LY86: variants seen among roughly 807,000 people sequenced by gnomAD.
LY86 encodes MD-1, RP105-associated.
A neutral mutation model predicts 17.3 loss-of-function variants in LY86; 20 were observed. That is an observed-to-expected ratio of 1.15 (90% CI 0.81 to 1.68). The LOEUF (loss-of-function observed/expected upper bound fraction) is 1.68. LY86 is among the 40% of genes most tolerant of loss of function. The pLI is 0.00. For missense variants in LY86, 200 were observed against 191.9 expected (o/e 1.04, Z -0.25); for synonymous variants, 74 against 70.6 (o/e 1.05, Z -0.24).
intron 3 of LY86, among the ~76,000 whole-genome samples, chr6:6,648,715 C>T (rs1263289585): frequency 6.6e-6 from 1 of 151,940 alleles, no homozygotes; most frequent in Non-Finnish European, 1.5e-5. Context: ...TTTAATTCCC[C>T]ACCACCCTAG....
intron 3 of LY86, among the ~76,000 whole-genome samples, chr6:6,642,054 G>A (rs369084368): frequency 4.1e-4 from 62 of 152,378 alleles, no homozygotes; most frequent in Admixed American, 1.1e-3. Context: ...AGCATGCAGA[G>A]GGGCAGCCCC....
At chr6:6,620,290 C>T (rs903076006) in intron 1 of LY86, among the ~76,000 whole-genome samples, 7 of 152,174 alleles carry the variant, frequency 4.6e-5, no homozygotes, top group African/African-American at 1.4e-4. Context: ...TGAGACCTCT[C>T]TGTATCTTTT....
intron 1 of LY86, among the ~76,000 whole-genome samples, chr6:6,596,970 TC>T (rs541290131): frequency 1.5e-4 from 23 of 152,368 alleles, no homozygotes; most frequent in Non-Finnish European, 2.9e-4. Flanking sequence ...CAAACGCTGT[TC>T]ACAGCTATTT....
At chr6:6,594,778 A>T (rs553735765) in intron 1 of LY86, among the ~76,000 whole-genome samples, 7 of 152,372 alleles carry the variant, frequency 4.6e-5, no homozygotes, top group Non-Finnish European at 8.8e-5. Flanking sequence ...AAGTCCTTCC[A>T]TTGACAAAGC....
intron 1 of LY86, among the ~76,000 whole-genome samples, chr6:6,620,407 C>T (rs578114640): frequency 9.2e-5 from 14 of 152,330 alleles, no homozygotes; most frequent in African/African-American, 3.1e-4. Context: ...GAGTTGGGCC[C>T]TCCTCTATGC....
intron 2 of LY86, 76 bp from the exon 3 acceptor site, chr6:6,626,217 T>C (rs1199782472): frequency 5.6e-6 from 8 of 1,430,310 alleles, no homozygotes; most frequent in Non-Finnish European, 6.7e-6. Context: ...TAGCTCATGC[T>C]GCTGTATACT....
chr6:6,633,896 G>A (rs923537913), intron 3 of LY86, among the ~76,000 whole-genome samples: 7 of 149,008 alleles, frequency 4.7e-5, no homozygotes, highest in African/African-American at 1.7e-4. Flanking sequence ...AATAAATTGT[G>A]TGTGTGTGTG....
chr6:6,607,909 A>T (rs1761232780), intron 1 of LY86, among the ~76,000 whole-genome samples: 1 of 152,228 alleles, frequency 6.6e-6, no homozygotes. Flanking sequence ...AATAAAAATA[A>T]AAATAAAAAA....
chr6:6,602,868 GTTATAGGTGTTTACAGGAAGAAATC>G (rs1358069420), intron 1 of LY86, among the ~76,000 whole-genome samples: 1 of 152,204 alleles, frequency 6.6e-6, no homozygotes, highest in Non-Finnish European at 1.5e-5. Flanking sequence ...CAAGCAAAGA[GTTATAGGTGTTTACAGGAAGAAATC>G]TTTGAGGAAA....
At chr6:6,603,608 A>AAC (rs1554123598) in intron 1 of LY86, among the ~76,000 whole-genome samples, 16 of 101,390 alleles carry the variant, frequency 1.6e-4, no homozygotes, top group South Asian at 1.1e-3. Flanking sequence ...AGAAACAGAA[A>AAC]AAAAAACAAA....
At chr6:6,605,090 A>C (rs1282341467) in intron 1 of LY86, among the ~76,000 whole-genome samples, 1 of 151,906 alleles carries the variant, frequency 6.6e-6, no homozygotes, top group Non-Finnish European at 1.5e-5. Context: ...TTTAAAGGGT[A>C]CTTGAAATGA....
intron 1 of LY86, among the ~76,000 whole-genome samples, chr6:6,597,201 TTC>T (rs1179602379): frequency 5.3e-5 from 8 of 152,256 alleles, no homozygotes; most frequent in Middle Eastern, 3.4e-3. Flanking sequence ...CCAGAGCAGT[TTC>T]TGTTTTCTCC....
intron 4 of LY86, among the ~76,000 whole-genome samples, chr6:6,650,100 T>C (rs1160085220): frequency 6.6e-6 from 1 of 152,158 alleles, no homozygotes; most frequent in Non-Finnish European, 1.5e-5. Context: ...GAAAGGAAGA[T>C]GCACAAGCCA....
At chr6:6,633,892 T>TTGTGTG (rs3840175) in intron 3 of LY86, among the ~76,000 whole-genome samples, 3,461 of 151,786 alleles carry the variant, frequency 0.023, 113 homozygotes, top group African/African-American at 0.071. Context: ...GTTAAATAAA[T>TTGTGTG]TGTGTGTGTG....
At chr6:6,618,595 AT>A (rs1333972687) in intron 1 of LY86, among the ~76,000 whole-genome samples, 1 of 152,228 alleles carries the variant, frequency 6.6e-6, no homozygotes. Flanking sequence ...TCGATATTCC[AT>A]TATGATGGTG....
chr6:6,605,903 G>A (rs72821158), intron 1 of LY86, among the ~76,000 whole-genome samples: 10,086 of 152,062 alleles, frequency 0.066, 451 homozygotes, highest in Middle Eastern at 0.16. Flanking sequence ...TAGTCTCGCT[G>A]GCTTCAGGAA....
chr6:6,625,048 T>C (rs1220109220), intron 2 of LY86, 36 bp downstream of exon 2: 2 of 950,954 alleles, frequency 2.1e-6, no homozygotes, highest in Non-Finnish European at 3.3e-6. Flanking sequence ...AAATAAAACA[T>C]TGCACAGCCT....
chr6:6,615,083 G>A (rs767498794), intron 1 of LY86, among the ~76,000 whole-genome samples: 4 of 152,306 alleles, frequency 2.6e-5, no homozygotes, highest in South Asian at 2.1e-4. Context: ...CACGGTAGAC[G>A]TAGGATCTCA....
intron 1 of LY86, among the ~76,000 whole-genome samples, chr6:6,598,755 T>C (rs1451838729): frequency 4.4e-5 from 1 of 22,828 alleles, no homozygotes; most frequent in Admixed American, 7.5e-4. Context: ...ATGCCTGCCC[T>C]TGCCTTCTCC....
Sources: gnomAD v4.1 joint callset for allele counts (sites outside exome capture counted in the v4.1 genomes callset) on GRCh38, gnomAD v4.1.1 for gene constraint, MANE v1.5 for transcripts, NCBI Gene and HGNC (gene_info 2026-07-23, HGNC 2026-07-21) for gene names.